SBF1: variants seen among roughly 807,000 people sequenced by gnomAD.
SBF1 encodes the protein SET binding factor 1.
SBF1 carries 65 observed loss-of-function variants against 215.8 expected under a neutral mutation model. The ratio of observed to expected loss-of-function variants is 0.30; its 90% CI spans 0.25 to 0.37. The LOEUF (loss-of-function observed/expected upper bound fraction) is 0.37, where lower values mean the gene tolerates loss of function less well. Among genes scored for constraint, SBF1 ranks in the 10% least tolerant of loss-of-function variants. The pLI is 1.00. For missense variants in SBF1, 2,634 were observed against 2,667.8 expected, an observed-to-expected ratio of 0.99 and a Z score of 0.28; for synonymous variants, 1,410 against 1,122.8, an observed-to-expected ratio of 1.26 and a Z score of -5.11.
intron 28 of SBF1, among the ~76,000 whole-genome samples, chr22:50,458,071 G>A (rs898939392): frequency 1.3e-5 from 2 of 152,128 alleles, no homozygotes; most frequent in African/African-American, 2.4e-5. Flanking sequence ...AGGCCGAGGC[G>A]GGCGGATCAC....
In SBF1 at chr22:50,464,920, A is replaced by AG. The variant is rs138346146; in HGVS notation, c.1333-4dup. 2.3e-4 allele frequency: 379 copies of AG among 1,613,536 alleles called. No homozygotes were observed. The African/African-American group carries it at 4.6e-3, about 20-fold the overall frequency. ...CTTGCCACCTCGTGGGCCACCAGCTAGCGGGGTAAGCAGGAGGTTAGGTAA... is the reference window on the plus strand; with the variant it reads ...CTTGCCACCTCGTGGGCCACCAGCTAGGCGGGGTAAGCAGGAGGTTAGGTAA... On this transcript the variant is annotated splice_polypyrimidine_tract_variant and splice_region_variant and intron_variant, in intron 12 of 40. Transcript: ENST00000380817.
intron 1 of SBF1, among the ~76,000 whole-genome samples, chr22:50,474,152 T>A (rs1350050101): frequency 6.6e-6 from 1 of 152,180 alleles, no homozygotes; most frequent in African/African-American, 2.4e-5. Context: ...CACCCAGGGC[T>A]TGGCGTGCAG....
chr22:50,460,436 G>A, intron 24 of SBF1, 28 bp from the exon 25 acceptor site: 1 of 1,602,872 alleles, frequency 6.2e-7, no homozygotes, highest in Non-Finnish European at 8.5e-7. Flanking sequence ...CAGCAAAGGT[G>A]AGAGGAGGAG....
chr22:50,448,081 T>C (rs2066904620), intron 38 of SBF1, 152 bp downstream of exon 38: 2 of 714,716 alleles, frequency 2.8e-6, no homozygotes, highest in Non-Finnish European at 4.6e-6. Flanking sequence ...TCAGCTGTGG[T>C]CACCAGTTCG....
chr22:50,465,078 C>T lies in SBF1; in HGVS notation c.1255G>A (p.Val419Met). Residue 419 changes from valine (V) to methionine (M), a missense_variant, in exon 12 of 41, where the codon GTG (valine) becomes ATG (methionine). Coordinates refer to ENST00000380817, the MANE Select transcript of SBF1 (RefSeq NM_002972.4). ...GLVEDDFLMK[V>M]LEGMAFAGFV... ...CCAGCAAAGGCCATGCCCTCCAGCA[C>T]CTTCATCAGGAAATCGTCCTCTACC... is the stretch of plus-strand genomic sequence containing the variant. The T allele has an allele frequency of 6.2e-7, 1 of 1,614,108 alleles. No individual in the cohort carries two copies. The highest frequency in any genetic ancestry group is 1.1e-5 in the South Asian group (1 of 91,084).
rs750790944 is a variant in SBF1 at position 50,465,094 on chromosome 22, G to A, written c.1239C>T (p.Asp413=). 23 of 1,614,074 alleles carry A rather than the reference G, an allele frequency of 1.4e-5. No individual in the cohort carries two copies. The highest frequency in any genetic ancestry group is 1.1e-4 in the East Asian group (5 of 44,882). ...CCTCCAGCACCTTCATCAGGAAATC[G>A]TCCTCTACCAGCCCACGCTGGCCCA... ...AFLGQRGLVE[D]DFLMKVLEGM... is the part of the protein sequence containing the mutation. Residue 413 remains aspartate (D), a synonymous_variant, in exon 12 of 41, where the codon GAC becomes GAT. Transcript: ENST00000380817.
rs375828628 is a variant in SBF1 at position 50,448,265 on chromosome 22, G to A, written c.5331C>T (p.Tyr1777=). The change falls in exon 38 of 41, where the codon TAC becomes TAT. Residue 1777 remains tyrosine, a synonymous_variant. Coordinates refer to ENST00000380817, the MANE Select transcript of SBF1 (RefSeq NM_002972.4). The part of the protein sequence containing the change: ...QAARRSTSTL[Y]SQFQTAESEN... ...CACTCTCTGCTGTCTGGAACTGGCT[G>A]TACAGGGTGCTGGTGCTGCGGCGGG... 2.5e-6 allele frequency: 4 copies of A among 1,612,888 alleles called. No individual in the cohort carries two copies. The highest frequency in any genetic ancestry group is 1.7e-5 in the Admixed American group (1 of 60,010).
rs376167377 is a variant in SBF1, at chr22:50,456,642, G to A, written c.3936C>T (p.Arg1312=). The part of the protein sequence containing the change: ...GKWGSVRTSG[R]SSGLGTDVGS... ...CCACATCGGTGCCAAGGCCACTGCT[G>A]CGTCCACTGGTCCGGACACTGCCCC... Residue 1312 remains arginine (R), a synonymous_variant, in exon 30 of 41, where the codon CGC becomes CGT. Transcript: ENST00000380817. 47 of 1,505,216 alleles carry A rather than the reference G, an allele frequency of 3.1e-5. No homozygotes were observed. The African/African-American group carries it at 5.0e-4, about 16-fold the overall frequency. 93.2% of individuals were successfully genotyped at this position (1,505,216 alleles called of 1,614,324 possible).
rs769305063 is a variant in SBF1 at position 50,456,553 on chromosome 22, G to A, written c.4025C>T (p.Pro1342Leu). ...TGCTCGCTGCGGACGCAGGAAGCCC[G>A]GGTCGGGAGGGCCCCCGTTGGCCTG... Reference protein sequence around the residue: ...PPQANGGPPDPGFLRPQRAAL... With the variant: ...PPQANGGPPDLGFLRPQRAAL... Residue 1342 changes from proline to leucine, a missense_variant, in exon 30 of 41, where the codon CCG becomes CTG. By Grantham distance (98) the Pro-to-Leu change is moderately conservative. Coordinates refer to ENST00000380817, the MANE Select transcript of SBF1 (RefSeq NM_002972.4). The A allele has an allele frequency of 7.9e-5, 120 of 1,525,306 alleles. No individual in the cohort carries two copies. The highest frequency in any genetic ancestry group is 1.0e-4 in the Non-Finnish European group (114 of 1,128,192). 94.5% of individuals were successfully genotyped at this position (1,525,306 alleles called of 1,614,324 possible).
At chr22:50,471,745 GC>G (rs2068003952) in intron 1 of SBF1, among the ~76,000 whole-genome samples, 1 of 151,992 alleles carries the variant, frequency 6.6e-6, no homozygotes, top group Non-Finnish European at 1.5e-5. Flanking sequence ...ACCCCTTCCG[GC>G]TCCCAGGGTG....
At chr22:50,470,189 C>T (rs1480066384) in intron 1 of SBF1, among the ~76,000 whole-genome samples, 2 of 151,988 alleles carry the variant, frequency 1.3e-5, no homozygotes, top group Non-Finnish European at 2.9e-5. Flanking sequence ...CCATCTGGGC[C>T]CAGCCCTGGC....
chr22:50,449,370 A>G (rs1381914567), intron 36 of SBF1, among the ~76,000 whole-genome samples: 5 of 151,568 alleles, frequency 3.3e-5, no homozygotes, highest in African/African-American at 9.8e-5. Flanking sequence ...TAATCCCAGC[A>G]CTTTGGGTGG....
At position 50,461,593 on chromosome 22, in the gene SBF1, G is replaced by C. The variant is rs1312128477; in HGVS notation, c.2769C>G (p.Leu923=). 3 of 1,612,066 alleles carry C rather than the reference G, an allele frequency of 1.9e-6. No homozygotes were observed. Among genetic ancestry groups the C allele is most frequent in the Non-Finnish European group, 2.5e-6 (3 of 1,179,798 alleles). ...AGGSAGGPAL[L]PAEGAVFLTT... ...TGAGGAAGACGGCGCCCTCAGCTGG[G>C]AGCAATGCTGGTCCCCCAGCACTGC... Residue 923 remains leucine, a synonymous_variant, in exon 22 of 41, where the codon CTC becomes CTG. Coordinates refer to ENST00000380817, the MANE Select transcript of SBF1 (RefSeq NM_002972.4).
chr22:50,461,495 G>A (rs759081556), intron 22 of SBF1, 28 bp downstream of exon 22: 16 of 1,567,508 alleles, frequency 1.0e-5, no homozygotes, highest in East Asian at 4.5e-5. Context: ...GAGAGGGGGC[G>A]ACAGGGCCAG....
At chr22:50,467,170 G>A (rs527299665) in intron 5 of SBF1, 168 bp downstream of exon 5, 2 of 618,296 alleles carry the variant, frequency 3.2e-6, no homozygotes, top group Non-Finnish European at 2.9e-6. Context: ...AGGTGCGAGG[G>A]CCAGGTAAGC....
At position 50,462,079 on chromosome 22, in the gene SBF1, C is replaced by T. The variant is rs746908800; in HGVS notation, c.2437G>A (p.Gly813Ser). The change falls in exon 20 of 41, where the codon GGC (glycine) becomes AGC (serine). Residue 813 changes from glycine to serine, a missense_variant. Gly to Ser is a moderately conservative substitution (Grantham distance 56). Coordinates refer to ENST00000380817, the MANE Select transcript of SBF1 (RefSeq NM_002972.4). Reference protein sequence around the residue: ...SVAESYDTESGFEDAETCDVA... With the variant: ...SVAESYDTESSFEDAETCDVA... ...TCGCAGGTCTCTGCATCCTCGAAGC[C>T]GCTCTCCGTGTCATAGCTCTCGGCC... 4.3e-6 allele frequency: 7 copies of T among 1,613,974 alleles called. No homozygotes were observed. Among genetic ancestry groups the T allele is most frequent in the African/African-American group, 2.7e-5 (2 of 74,946 alleles).
chr22:50,467,801 T>A lies in SBF1; in HGVS notation c.264A>T (p.Pro88=). The A allele has an allele frequency of 1.2e-6, 2 of 1,613,942 alleles. No individual in the cohort carries two copies. Among genetic ancestry groups the A allele is most frequent in the Non-Finnish European group, 1.7e-6 (2 of 1,179,970 alleles). ...CCAAGCTGACCTGTGAAGGCTCCGC[T>A]GGCTCCCAGAAGGTCAAGCAGGCGC... is the stretch of plus-strand genomic sequence containing the variant. ...HYCACLTFWE[P]AEPSQETTRV... The change falls in exon 3 of 41, where the codon CCA becomes CCT. Residue 88 remains proline, a synonymous_variant. Coordinates refer to ENST00000380817, the MANE Select transcript of SBF1 (RefSeq NM_002972.4).
Position 50,474,860 on chromosome 22 carries a change from C to A in SBF1, c.-20G>T. ...CGCCATGGCGAGGGACGCGGGGCGG[C>A]CCGAGGGGCGCGGGCGGGCTCCGCG... On this transcript the variant is annotated 5_prime_UTR_variant, in exon 1 of 41. Transcript: ENST00000380817. 7.2e-7 allele frequency: 1 copy of A among 1,380,856 alleles called. No individual in the cohort carries two copies. The highest frequency in any genetic ancestry group is 1.5e-5 in the South Asian group (1 of 66,890). 85.5% of individuals were successfully genotyped at this position (1,380,856 alleles called of 1,614,324 possible). A position where few individuals can be genotyped will look rare whatever the true frequency, so the allele number is the denominator to read the frequency against.
chr22:50,449,625 A>AACACACAAAC (rs2066967372), intron 36 of SBF1, among the ~76,000 whole-genome samples: 1 of 146,856 alleles, frequency 6.8e-6, no homozygotes, highest in Non-Finnish European at 1.5e-5. Context: ...AAAACACACA[A>AACACACAAAC]ACACACACAC....
Sources: allele counts gnomAD v4.1 joint callset (sites outside exome capture counted in the v4.1 genomes callset), GRCh38; gene constraint gnomAD v4.1.1; transcripts MANE v1.5; gene names NCBI Gene and HGNC (gene_info 2026-07-23, HGNC 2026-07-21).